SPTLC1: variants seen among roughly 807,000 people sequenced by gnomAD.
SPTLC1 encodes the protein serine palmitoyltransferase 1.
SPTLC1 carries 55 observed loss-of-function variants against 68.9 expected under a neutral mutation model. The ratio of observed to expected loss-of-function variants is 0.80; its 90% CI spans 0.64 to 1.00. The LOEUF is 1.00. Among genes scored for constraint, SPTLC1 ranks in the 50% least tolerant of loss-of-function variants. The pLI is 0.00. For synonymous variants in SPTLC1, 197 were observed against 201.6 expected (o/e 0.98, Z 0.19); for missense variants, 449 against 573.1 (o/e 0.78, Z 2.21).
intron 3 of SPTLC1, among the ~76,000 whole-genome samples, chr9:92,084,594 C>T (rs913629561): frequency 4.1e-4 from 62 of 152,222 alleles, no homozygotes; most frequent in Middle Eastern, 3.4e-3. Flanking sequence ...ATGAAGCCCA[C>T]TTGATCATGG....
chr9:92,061,621 G>A (rs913850503), intron 6 of SPTLC1, among the ~76,000 whole-genome samples: 1 of 152,180 alleles, frequency 6.6e-6, no homozygotes, highest in East Asian at 1.9e-4. Flanking sequence ...CTCCTCTGGA[G>A]TCTTCTAAAT....
At chr9:92,077,979 A>G (rs1337120074) in intron 5 of SPTLC1, among the ~76,000 whole-genome samples, 2 of 151,550 alleles carry the variant, frequency 1.3e-5, no homozygotes, top group Non-Finnish European at 2.9e-5. Flanking sequence ...ACCATCTCCA[A>G]TCCTTCCTTA....
chr9:92,101,008 G>A (rs1835727937), intron 3 of SPTLC1, among the ~76,000 whole-genome samples: 1 of 152,054 alleles, frequency 6.6e-6, no homozygotes, highest in African/African-American at 2.4e-5. Flanking sequence ...CGTGTCAACA[G>A]TCTCATAAAT....
At chr9:92,038,405 C>T (rs1294958582) in intron 12 of SPTLC1, 40 bp from the exon 13 acceptor site, 2 of 1,328,860 alleles carry the variant, frequency 1.5e-6, no homozygotes, top group East Asian at 2.3e-5. Flanking sequence ...AAGTCCCTTC[C>T]AGGCTTGAAG....
chr9:92,094,021 G>A (rs538592278), intron 3 of SPTLC1, among the ~76,000 whole-genome samples: 1 of 152,292 alleles, frequency 6.6e-6, no homozygotes, highest in East Asian at 1.9e-4. Context: ...GGTATAAAGT[G>A]AATTCCAGCC....
intron 6 of SPTLC1, among the ~76,000 whole-genome samples, chr9:92,065,693 CTGTT>C (rs1252401575): frequency 2.0e-5 from 3 of 152,206 alleles, no homozygotes; most frequent in African/African-American, 7.2e-5. Flanking sequence ...CCTAGAAACA[CTGTT>C]TAAGTCAATG....
chr9:92,079,134 G>A (rs1834785678), intron 5 of SPTLC1: 2 of 524,532 alleles, frequency 3.8e-6, no homozygotes, highest in South Asian at 1.2e-4. Context: ...GGAGTGCAGT[G>A]GCATGATCTC....
At chr9:92,068,467 A>T (rs1361089877) in intron 5 of SPTLC1, among the ~76,000 whole-genome samples, 1 of 152,186 alleles carries the variant, frequency 6.6e-6, no homozygotes, top group Non-Finnish European at 1.5e-5. Flanking sequence ...TTAACTTATT[A>T]ATGTCTGTTT....
intron 3 of SPTLC1, among the ~76,000 whole-genome samples, chr9:92,089,692 A>T (rs1564109883): frequency 6.6e-6 from 1 of 152,244 alleles, no homozygotes; most frequent in Non-Finnish European, 1.5e-5. Flanking sequence ...ATGTTTGAAC[A>T]GATAAAAGCT....
intron 3 of SPTLC1, among the ~76,000 whole-genome samples, chr9:92,096,833 T>C (rs958225259): frequency 5.3e-5 from 8 of 151,970 alleles, no homozygotes; most frequent in Admixed American, 4.6e-4. Flanking sequence ...AAGTCAGACA[T>C]CATTAAAATA....
chr9:92,059,378 G>A (rs969975265), intron 6 of SPTLC1, 70 bp from the exon 7 acceptor site: 86 of 1,538,136 alleles, frequency 5.6e-5, no homozygotes, highest in Non-Finnish European at 6.8e-5. Context: ...AGGAATGCTT[G>A]TTTTTGTAAG....
chr9:92,102,284 G>A (rs1223226352), intron 3 of SPTLC1, among the ~76,000 whole-genome samples: 1 of 152,214 alleles, frequency 6.6e-6, no homozygotes, highest in Non-Finnish European at 1.5e-5. Flanking sequence ...TGCTTAACAA[G>A]TGCTTCAATC....
intron 5 of SPTLC1, among the ~76,000 whole-genome samples, chr9:92,076,578 A>C (rs534570063): frequency 2.6e-5 from 4 of 152,264 alleles, no homozygotes; most frequent in Admixed American, 2.0e-4. Flanking sequence ...GTAGGATATA[A>C]ATCTTTAACC....
intron 3 of SPTLC1, among the ~76,000 whole-genome samples, chr9:92,103,374 C>T (rs9697261): frequency 0.11 from 16,607 of 152,144 alleles, 1,974 homozygotes; most frequent in African/African-American, 0.3. Flanking sequence ...GAGGTGTGCA[C>T]GTGCTTATTA....
rs1358007250 is a variant in SPTLC1 at position 92,101,708 on chromosome 9, G to A, written c.260+7032C>T. On this transcript the variant is annotated intron_variant, in intron 3 of 14. Transcript: ENST00000262554. ...ATCAAACAAAAGAATTTCTGAACTT[G>A]CAGACAGGACTTCTGAAATAACCCA... is the stretch of plus-strand genomic sequence containing the variant. 3.4e-5 allele frequency among the ~76,000 whole-genome samples: 5 copies of A among 147,396 alleles called. No homozygotes were observed. The East Asian group carries it at 6.0e-4, about 18-fold the overall frequency.
intron 3 of SPTLC1, among the ~76,000 whole-genome samples, chr9:92,105,919 GCCT>G (rs1564118701): frequency 6.7e-6 from 1 of 149,668 alleles, no homozygotes; most frequent in Non-Finnish European, 1.5e-5. Flanking sequence ...CCTCTGCCCG[GCCT>G]CCTCACCATC....
Position 92,038,281 on chromosome 9 carries a change from T to C in SPTLC1, c.1221A>G (p.Gln407=), listed in dbSNP as rs201413090. 28 of 1,613,910 alleles carry C rather than the reference T, an allele frequency of 1.7e-5. No homozygotes were observed. The highest frequency in any genetic ancestry group is 1.6e-4 in the Middle Eastern group (1 of 6,084). The change falls in exon 13 of 15, where the codon CAA becomes CAG. Residue 407 remains glutamine (Q), a synonymous_variant. Transcript: ENST00000262554. The stretch of plus-strand genomic sequence containing the variant: ...CAATTTCCTGAAGCAGTCTGACATC[T>C]TGCTCGCGAGACCCAGTGCTCTCTT... ...QLEESTGSRE[Q]DVRLLQEIVD... is the part of the protein sequence containing the mutation.
intron 3 of SPTLC1, among the ~76,000 whole-genome samples, chr9:92,096,137 C>G (rs1480121674): frequency 1.3e-5 from 2 of 152,166 alleles, no homozygotes; most frequent in African/African-American, 4.8e-5. Context: ...AGCTTTTTAC[C>G]TGCAAAGTAA....
Position 92,073,768 on chromosome 9 carries a change from G to T in SPTLC1, c.428-5670C>A, listed in dbSNP as rs554104756. On this transcript the variant is annotated intron_variant, in intron 5 of 14. Coordinates refer to ENST00000262554, the MANE Select transcript of SPTLC1 (RefSeq NM_006415.4). ...ATAATAGGGAAGAGGCTGCCAGGCG[G>T]CAGCGCGCCTTTCAGAATGACAAAT... Among the ~76,000 whole-genome samples the T allele has an allele frequency of 2.2e-4, 33 of 152,336 alleles. No individual in the cohort carries two copies. The South Asian group carries it at 6.9e-3, about 32-fold the overall frequency.
Sources: allele counts gnomAD v4.1 joint callset (sites outside exome capture counted in the v4.1 genomes callset), GRCh38; gene constraint gnomAD v4.1.1; transcripts MANE v1.5; gene names NCBI Gene and HGNC (gene_info 2026-07-23, HGNC 2026-07-21).